FYCO1: variants seen among roughly 807,000 people sequenced by gnomAD.
The protein encoded by FYCO1 is FYVE and coiled-coil domain autophagy adaptor 1, also known as FYVE and coiled-coil domain-containing protein 1.
In FYCO1, 122 loss-of-function variants were observed where a neutral mutation model predicts 165.1. The observed-to-expected ratio is 0.74, with a 90% CI of 0.64 to 0.86. The LOEUF (loss-of-function observed/expected upper bound fraction) is 0.86. FYCO1 is among the 40% of genes least tolerant of loss of function. The pLI is 0.00. For missense variants in FYCO1, 1,702 were observed against 1,810.3 expected (o/e 0.94, Z 1.09); for synonymous variants, 648 against 742.5 (o/e 0.87, Z 2.07).
At chr3:45,961,778 G>A (rs1025469570) in intron 11 of FYCO1, among the ~76,000 whole-genome samples, 1 of 152,192 alleles carries the variant, frequency 6.6e-6, no homozygotes, top group East Asian at 1.9e-4. Flanking sequence ...CAGGTACCTG[G>A]AGGTGTATTA....
intron 14 of FYCO1, among the ~76,000 whole-genome samples, chr3:45,954,844 C>A (rs1250721520): frequency 2.6e-5 from 4 of 152,184 alleles, no homozygotes; most frequent in African/African-American, 9.7e-5. Context: ...ATCTGCAAGC[C>A]AAGGAGAAGC....
intron 16 of FYCO1, among the ~76,000 whole-genome samples, chr3:45,927,994 CTTTTCATTCATTCCAGCTGT>C (rs1433338715): frequency 3.3e-5 from 5 of 152,340 alleles, no homozygotes; most frequent in East Asian, 1.9e-4. Context: ...ACTCTGTAGC[CTTTTCATTCATTCCAGCTGT>C]TTTTCATTCA....
At position 45,973,321 on chromosome 3, in the gene FYCO1, C is replaced by T. The variant is rs1378253994; in HGVS notation, c.396-90G>A. 3.1e-6 allele frequency: 4 copies of T among 1,291,644 alleles called. No homozygotes were observed. In the Admixed American group the frequency reaches 5.2e-5, roughly 17 times the overall value. 80.0% of individuals were successfully genotyped at this position (1,291,644 alleles called of 1,614,324 possible). A position where few individuals can be genotyped will look rare whatever the true frequency, so the allele number is the denominator to read the frequency against. ...ACTGTGGCTCTGCCTCATCGAATTCCAACTCAGGTTACTAAATTAAAAGAC... is the reference window on the plus strand; with the variant it reads ...ACTGTGGCTCTGCCTCATCGAATTCTAACTCAGGTTACTAAATTAAAAGAC... On this transcript the variant is annotated intron_variant, in intron 5 of 17. Coordinates refer to ENST00000296137, the MANE Select transcript of FYCO1 (RefSeq NM_024513.4).
At chr3:45,965,189 C>T in intron 8 of FYCO1, 64 bp from the exon 9 acceptor site, 2 of 1,263,346 alleles carry the variant, frequency 1.6e-6, no homozygotes, top group South Asian at 2.4e-5. Context: ...ATCCCTCAGC[C>T]CCCTCACCCA....
intron 16 of FYCO1, among the ~76,000 whole-genome samples, chr3:45,924,990 C>T (rs1258888088): frequency 6.6e-6 from 1 of 151,950 alleles, no homozygotes; most frequent in Admixed American, 6.6e-5. Context: ...AGTGCAGTGT[C>T]GTGATCTTGG....
In FYCO1 at chr3:45,975,278, TCTGC is replaced by T. The variant is rs780203237; in HGVS notation, c.352_355del (p.Ala118ThrfsTer8). ...GTTCATGAAGCACTGCTGTAAGGTGTCTGCCAACCTCTGGTGCACCAAGGAGTAG... is the reference window on the plus strand; with the variant it reads ...GTTCATGAAGCACTGCTGTAAGGTGTCAACCTCTGGTGCACCAAGGAGTAG... On this transcript the variant is annotated frameshift_variant, in exon 5 of 18. Transcript: ENST00000296137. LOFTEE classifies it high-confidence loss of function. The T allele has an allele frequency of 6.2e-7, 1 of 1,614,084 alleles. No individual in the cohort carries two copies. Among genetic ancestry groups the T allele is most frequent in the East Asian group, 2.2e-5 (1 of 44,880 alleles).
At chr3:45,955,911 G>C (rs926170316) in intron 13 of FYCO1, among the ~76,000 whole-genome samples, 1 of 152,184 alleles carries the variant, frequency 6.6e-6, no homozygotes, top group Non-Finnish European at 1.5e-5. Flanking sequence ...TTTCCAACCA[G>C]GGGCCTTGTG....
chr3:45,965,970 C>A (rs1250514123), intron 8 of FYCO1, among the ~76,000 whole-genome samples: 4 of 152,240 alleles, frequency 2.6e-5, no homozygotes, highest in Non-Finnish European at 5.9e-5. Context: ...TTTGTAAACA[C>A]CCTGCTCTTT....
rs759599621 is a variant in FYCO1 at position 45,936,494 on chromosome 3, C to T, written c.3994G>A (p.Val1332Met). The T allele has an allele frequency of 4.5e-5, 73 of 1,613,928 alleles. No individual in the cohort carries two copies. The highest frequency in any genetic ancestry group is 8.3e-5 in the Admixed American group (5 of 60,010). ...AGGCAGATTTCCGAATCCTGCCCCA[C>T]GGGCATGTCTTCAGTGTCCTCAGGC... ...LTPEDTEDMP[V>M]GQDSEICLLK... is the part of the protein sequence containing the mutation. The change falls in exon 15 of 18, where the codon GTG (valine) becomes ATG (methionine). Residue 1332 changes from valine to methionine, a missense_variant. Physicochemically the swap from Val to Met is conservative, Grantham distance 21. Coordinates refer to ENST00000296137, the MANE Select transcript of FYCO1 (RefSeq NM_024513.4).
chr3:45,936,629 G>C, intron 14 of FYCO1, 86 bp from the exon 15 acceptor site: 1 of 940,282 alleles, frequency 1.1e-6, no homozygotes, highest in Non-Finnish European at 1.8e-6. Flanking sequence ...TGGAGTCACA[G>C]GCAGCCAAAT....
chr3:45,947,415 C>T (rs1313521616), intron 14 of FYCO1: 1 of 1,614,220 alleles, frequency 6.2e-7, no homozygotes, highest in Non-Finnish European at 8.5e-7. Flanking sequence ...CCTCCCTTAC[C>T]TTGGGGTCTC....
At chr3:45,947,669 T>C in intron 14 of FYCO1, 3 of 636,610 alleles carry the variant, frequency 4.7e-6, no homozygotes, top group South Asian at 2.0e-5. Context: ...GGCATGAACA[T>C]GTACTGTTCT....
chr3:45,960,224 C>T (rs1170562310), intron 11 of FYCO1, among the ~76,000 whole-genome samples: 1 of 152,154 alleles, frequency 6.6e-6, no homozygotes, highest in East Asian at 1.9e-4. Context: ...TGGTTTCTGA[C>T]ATGTGAAGTT....
rs774754825 is a variant in FYCO1, at chr3:45,931,232, T to C, written c.4090A>G (p.Ser1364Gly). The change falls in exon 16 of 18, where the codon AGC becomes GGC. Residue 1364 changes from serine (S) to glycine (G), a missense_variant. Coordinates refer to ENST00000296137, the MANE Select transcript of FYCO1 (RefSeq NM_024513.4). ...VDEIASFGEG[S>G]RELFVRSSTY... ...CTGGACCTCACAAACAGCTCCCTGC[T>C]ACCCTCCCCGAAGCTGGCGATCTCA... is the stretch of plus-strand genomic sequence containing the variant. 1 of 1,613,994 alleles carries C rather than the reference T, an allele frequency of 6.2e-7. No individual in the cohort carries two copies. Among genetic ancestry groups the C allele is most frequent in the Non-Finnish European group, 8.5e-7 (1 of 1,179,954 alleles).
Position 45,966,418 on chromosome 3 carries a change from G to T in FYCO1, c.2916C>A (p.Ala972=), listed in dbSNP as rs536873566. 3 of 1,613,204 alleles carry T rather than the reference G, an allele frequency of 1.9e-6. No individual in the cohort carries two copies. The highest frequency in any genetic ancestry group is 2.5e-6 in the Non-Finnish European group (3 of 1,179,314). ...GGGCCTGCAGGCCAGGCAGTGAGCC[G>T]GCTGCTGCCTTGGCCGCCTTCAGCT... ...QEKLKAAKAA[A]GSLPGLQAQL... The change falls in exon 8 of 18, where the codon GCC becomes GCA. Residue 972 remains alanine (A), a synonymous_variant. Transcript: ENST00000296137.
intron 14 of FYCO1, chr3:45,938,091 C>G: frequency 1.8e-6 from 1 of 562,042 alleles, no homozygotes; most frequent in Non-Finnish European, 3.0e-6. Flanking sequence ...TTGGTTCTCC[C>G]AATTTTCCCG....
chr3:45,962,376 C>A lies in FYCO1; in HGVS notation c.3286G>T (p.Glu1096Ter). Reference protein sequence around the residue: ...EDLERTQKELEKATTKIQEYY... With the variant: ...EDLERTQKEL ...TCTTGGATTTTTGTTGTGGCTTTTT[C>A]GAGTTCCTTCTGGGTCCTGGGGGAG... Residue 1096 changes from glutamate (E) to a stop codon, truncating the protein, a stop_gained, in exon 11 of 18, where the codon GAA becomes TAA. Coordinates refer to ENST00000296137, the MANE Select transcript of FYCO1 (RefSeq NM_024513.4). LOFTEE classifies it high-confidence loss of function. The surrounding 1 kb of genome is among the most constrained non-coding windows in gnomAD (Gnocchi z 4.4). 1 of 1,614,084 alleles carries A rather than the reference C, an allele frequency of 6.2e-7. No individual in the cohort carries two copies. The highest frequency in any genetic ancestry group is 8.5e-7 in the Non-Finnish European group (1 of 1,180,012).
intron 14 of FYCO1, chr3:45,946,205 G>T: frequency 2.5e-6 from 1 of 398,900 alleles, no homozygotes; most frequent in Non-Finnish European, 4.6e-6. Context: ...ATGTGCTTAG[G>T]GGTCAGTTAT....
chr3:45,960,442 C>G (rs1423783622), intron 11 of FYCO1, among the ~76,000 whole-genome samples: 1 of 152,148 alleles, frequency 6.6e-6, no homozygotes, highest in Non-Finnish European at 1.5e-5. Context: ...TTTTCAAGGA[C>G]ACTTGAAATT....
Sources: gnomAD v4.1 joint callset for allele counts (sites outside exome capture counted in the v4.1 genomes callset) on GRCh38, gnomAD v4.1.1 for gene constraint, Gnocchi (gnomAD v3.1) non-coding constraint, MANE v1.5 for transcripts, NCBI Gene and HGNC (gene_info 2026-07-23, HGNC 2026-07-21) for gene names.